The following IFT52 variants were observed in gnomAD, a reference collection of about 807,000 sequenced individuals.
The protein encoded by IFT52 is intraflagellar transport 52.
A neutral mutation model predicts 54.4 loss-of-function variants in IFT52; 44 were observed. The observed-to-expected ratio is 0.81, with a 90% confidence interval of 0.63 to 1.04. The LOEUF (loss-of-function observed/expected upper bound fraction) is 1.04, where lower values mean the gene tolerates loss of function less well. IFT52 is among the 50% of genes least tolerant of loss of function. The pLI is 0.00. For synonymous variants in IFT52, 181 were observed against 185.3 expected (o/e 0.98, Z 0.19); for missense variants, 452 against 523.6 (o/e 0.86, Z 1.33).
chr20:43,633,341 C>T (rs2145662222), intron 10 of IFT52, among the ~76,000 whole-genome samples: 1 of 150,096 alleles, frequency 6.7e-6, no homozygotes, highest in Middle Eastern at 3.5e-3. Context: ...GAAACTCCGT[C>T]TCAAAAAAAA....
At chr20:43,642,971 A>C (rs879784766) in intron 13 of IFT52, among the ~76,000 whole-genome samples, 1 of 152,042 alleles carries the variant, frequency 6.6e-6, no homozygotes, top group Non-Finnish European at 1.5e-5. Context: ...GTTCGAGACC[A>C]GCCTGACCAA....
chr20:43,633,871 T>C (rs1347493178), intron 10 of IFT52, among the ~76,000 whole-genome samples: 1 of 151,790 alleles, frequency 6.6e-6, no homozygotes, highest in Non-Finnish European at 1.5e-5. Flanking sequence ...GAAACTGATT[T>C]AAAAAGAAAA....
chr20:43,639,343 G>A (rs1460555946), intron 12 of IFT52, among the ~76,000 whole-genome samples: 2 of 151,796 alleles, frequency 1.3e-5, no homozygotes, highest in African/African-American at 4.8e-5. Context: ...TTCAAGACCA[G>A]CTTGGACAAC....
Position 43,642,618 on chromosome 20 carries a change from G to C in IFT52, c.1260G>C (p.Leu420Phe). The C allele has an allele frequency of 6.2e-7, 1 of 1,614,022 alleles. No homozygotes were observed. Among genetic ancestry groups the C allele is most frequent in the Non-Finnish European group, 8.5e-7 (1 of 1,179,948 alleles). ...VFFQVVEFKK[L>F]NQEHDIDTSE... Reference sequence around the variant, plus strand: ...TCCAAGTGGTGGAGTTCAAGAAATTGAACCAGGTACAGAGCCTACAAGGCA... The same window carrying C: ...TCCAAGTGGTGGAGTTCAAGAAATTCAACCAGGTACAGAGCCTACAAGGCA... The change falls in exon 13 of 14, where the codon TTG becomes TTC. Residue 420 changes from leucine to phenylalanine, a missense_variant. Transcript: ENST00000373030.
chr20:43,627,223 C>T (rs1191329023), intron 10 of IFT52, among the ~76,000 whole-genome samples: 1 of 151,572 alleles, frequency 6.6e-6, no homozygotes, highest in Non-Finnish European at 1.5e-5. Flanking sequence ...GATGGAAAAG[C>T]GCCAGCGAGT....
At chr20:43,636,955 C>T (rs544084195) in intron 11 of IFT52, among the ~76,000 whole-genome samples, 190 bp from the exon 12 acceptor site, 6 of 152,136 alleles carry the variant, frequency 3.9e-5, no homozygotes, top group South Asian at 2.1e-4. Flanking sequence ...AGGGAAGAGC[C>T]GAGTTACTGT....
chr20:43,595,546 T>TA (rs1360592452), intron 2 of IFT52, among the ~76,000 whole-genome samples: 2 of 150,840 alleles, frequency 1.3e-5, no homozygotes, highest in African/African-American at 4.9e-5. Context: ...AGACTCTGTC[T>TA]AAAAAAATAA....
intron 10 of IFT52, among the ~76,000 whole-genome samples, chr20:43,629,518 C>T (rs1350467066): frequency 6.6e-6 from 1 of 152,094 alleles, no homozygotes; most frequent in African/African-American, 2.4e-5. Flanking sequence ...GTTATCTGCC[C>T]GCCTCGGCCT....
chr20:43,595,915 C>A (rs540752659), intron 2 of IFT52, among the ~76,000 whole-genome samples: 2 of 151,988 alleles, frequency 1.3e-5, no homozygotes, highest in East Asian at 3.9e-4. Flanking sequence ...AAATGTCTTT[C>A]GAAATCAGCA....
intron 10 of IFT52, among the ~76,000 whole-genome samples, chr20:43,635,122 C>T (rs1376796786): frequency 3.3e-5 from 5 of 150,872 alleles, no homozygotes; most frequent in Non-Finnish European, 5.9e-5. Flanking sequence ...GAGCCGAGAT[C>T]GCGCCACTGC....
chr20:43,610,699 A>G (rs935889181), intron 6 of IFT52, among the ~76,000 whole-genome samples: 36 of 151,868 alleles, frequency 2.4e-4, no homozygotes, highest in African/African-American at 4.8e-5. Context: ...AGATCACGCC[A>G]CCGCAATCTA....
At chr20:43,591,655 G>C (rs1981528434) in intron 1 of IFT52, among the ~76,000 whole-genome samples, 1 of 152,272 alleles carries the variant, frequency 6.6e-6, no homozygotes, top group South Asian at 2.1e-4. Flanking sequence ...ATATGTGAAA[G>C]TAGCCAGGAA....
chr20:43,600,570 T>A (rs547327892), intron 3 of IFT52, among the ~76,000 whole-genome samples: 1 of 152,252 alleles, frequency 6.6e-6, no homozygotes, highest in Non-Finnish European at 1.5e-5. Flanking sequence ...TCTGGTAAAG[T>A]TCTGTTAATA....
At chr20:43,602,250 C>T (rs1269190724) in intron 3 of IFT52, among the ~76,000 whole-genome samples, 1 of 151,840 alleles carries the variant, frequency 6.6e-6, no homozygotes, top group African/African-American at 2.4e-5. Flanking sequence ...TTGCAACCTC[C>T]GCCTCCCAGG....
chr20:43,608,288 C>G (rs1456019508), intron 6 of IFT52, among the ~76,000 whole-genome samples: 1 of 152,170 alleles, frequency 6.6e-6, no homozygotes, highest in Admixed American at 6.5e-5. Flanking sequence ...TACCAGATGT[C>G]TCTCAGGGAG....
At chr20:43,602,284 C>T (rs1245664113) in intron 3 of IFT52, among the ~76,000 whole-genome samples, 1 of 151,830 alleles carries the variant, frequency 6.6e-6, no homozygotes, top group East Asian at 1.9e-4. Flanking sequence ...CCTGCCTCAG[C>T]CTCCCGAGTA....
At chr20:43,621,618 A>G (rs943854061) in intron 9 of IFT52, among the ~76,000 whole-genome samples, 3 of 152,162 alleles carry the variant, frequency 2.0e-5, no homozygotes, top group Admixed American at 6.5e-5. Flanking sequence ...GTGAACCACC[A>G]TGCCTGGCTA....
At chr20:43,595,415 C>T (rs114893700) in intron 2 of IFT52, among the ~76,000 whole-genome samples, 2,373 of 150,388 alleles carry the variant, frequency 0.016, 74 homozygotes, top group African/African-American at 0.056. Flanking sequence ...TGGGCATGAT[C>T]GTGCGTGCCT....
chr20:43,607,356 G>C (rs1159948855), intron 6 of IFT52, among the ~76,000 whole-genome samples: 1 of 150,608 alleles, frequency 6.6e-6, no homozygotes, highest in African/African-American at 2.5e-5. Context: ...GGGCGGAGAC[G>C]CTCCTCACTT....
Sources: gnomAD v4.1 joint callset for allele counts (sites outside exome capture counted in the v4.1 genomes callset) on GRCh38, gnomAD v4.1.1 for gene constraint, MANE v1.5 for transcripts, NCBI Gene and HGNC (gene_info 2026-07-23, HGNC 2026-07-21) for gene names.